RERE: variants seen among roughly 807,000 people sequenced by gnomAD.
RERE encodes arginine-glutamic acid dipeptide repeats, also known as arginine-glutamic acid dipeptide repeats protein.
RERE carries 40 observed loss-of-function variants against 146.1 expected under a neutral mutation model. That is an observed-to-expected ratio of 0.27 (90% CI 0.21 to 0.36). RERE has a LOEUF of 0.36. Among genes scored for constraint, RERE ranks in the 10% least tolerant of loss-of-function variants. The probability of loss-of-function intolerance (pLI) is 1.00; values close to 1 mark genes in which losing one functional copy is unlikely to be tolerated. For synonymous variants in RERE, 1,003 were observed against 866.0 expected (o/e 1.16, Z -2.78); for missense variants, 1,933 against 2,138.7 (o/e 0.90, Z 1.90).
In RERE at chr1:8,445,468, C is replaced by A. The variant is rs75474488; in HGVS notation, c.1203+20457G>T. Among the ~76,000 whole-genome samples, 1,337 of 152,256 alleles carry A rather than the reference C, an allele frequency of 8.8e-3. 18 individuals carry two copies. The highest frequency in any genetic ancestry group is 0.031 in the African/African-American group (1,275 of 41,540). On this transcript the variant is annotated intron_variant, in intron 11 of 22. Transcript: ENST00000400908. Reference sequence around the variant, plus strand: ...CACTTCAGCCTGGACTCTCACATACCCACACCACACCCAAGCATCTGGACT... The same window carrying A: ...CACTTCAGCCTGGACTCTCACATACACACACCACACCCAAGCATCTGGACT...
In RERE at chr1:8,365,860, C is replaced by T. The variant is rs140945349; in HGVS notation, c.1399G>A (p.Ala467Thr). The T allele has an allele frequency of 1.4e-4, 229 of 1,614,006 alleles. No homozygotes were observed. Among genetic ancestry groups the T allele is most frequent in the Non-Finnish European group, 1.8e-4 (213 of 1,180,032 alleles). ...GAGGGTGTGTTGACGGGTGTGGACG[C>T]GGTGCGAGTCTTAATCCTCCTGAAC... Reference protein sequence around the residue: ...AVFRRIKTRTASTPVNTPSRP... With the variant: ...AVFRRIKTRTTSTPVNTPSRP... Residue 467 changes from alanine to threonine, a missense_variant, in exon 13 of 23, where the codon GCG becomes ACG. Ala to Thr is a moderately conservative substitution (Grantham distance 58). Transcript: ENST00000400908.
chr1:8,612,217 A>C (rs1367477697), intron 4 of RERE, among the ~76,000 whole-genome samples: 2 of 152,216 alleles, frequency 1.3e-5, no homozygotes, highest in Non-Finnish European at 2.9e-5. Context: ...AGAAATGTTA[A>C]TGATATTGTC....
intron 2 of RERE, among the ~76,000 whole-genome samples, chr1:8,626,399 C>A (rs1306228065): frequency 6.6e-6 from 1 of 152,178 alleles, no homozygotes; most frequent in African/African-American, 2.4e-5. Context: ...GACATTAACA[C>A]CATCATAGCC....
At chr1:8,679,774 A>G (rs977881104) in intron 1 of RERE, among the ~76,000 whole-genome samples, 2 of 152,202 alleles carry the variant, frequency 1.3e-5, no homozygotes, top group Non-Finnish European at 2.9e-5. Flanking sequence ...TTTTCTACAA[A>G]ACTAGAGCTT....
chr1:8,654,799 A>T (rs1457944864), intron 2 of RERE, among the ~76,000 whole-genome samples: 1 of 151,862 alleles, frequency 6.6e-6, no homozygotes, highest in African/African-American at 2.4e-5. Context: ...AGGCCCAGCT[A>T]ATTTGTAAAA....
chr1:8,565,303 T>C (rs1266109463), intron 4 of RERE, among the ~76,000 whole-genome samples: 2 of 152,222 alleles, frequency 1.3e-5, no homozygotes, highest in African/African-American at 4.8e-5. Context: ...TTGTACTCCA[T>C]ACATATATAC....
intron 3 of RERE, among the ~76,000 whole-genome samples, chr1:8,622,483 GT>G (rs149744126): frequency 0.089 from 6,698 of 75,402 alleles, 352 homozygotes; most frequent in Non-Finnish European, 0.11. Flanking sequence ...TGCTGTATCT[GT>G]TTAAAAAAAA....
chr1:8,462,635 T>C (rs1010329813), intron 11 of RERE, among the ~76,000 whole-genome samples: 4 of 152,246 alleles, frequency 2.6e-5, no homozygotes, highest in Non-Finnish European at 5.9e-5. Context: ...ACAGAGCAGC[T>C]GCTTCAAAGT....
At chr1:8,640,839 G>A (rs1187350888) in intron 2 of RERE, among the ~76,000 whole-genome samples, 1 of 152,102 alleles carries the variant, frequency 6.6e-6, no homozygotes, top group East Asian at 1.9e-4. Context: ...ATAAAACTCA[G>A]ACTAATACTA....
intron 11 of RERE, among the ~76,000 whole-genome samples, chr1:8,456,618 A>C (rs766795201): frequency 5.3e-5 from 8 of 152,202 alleles, no homozygotes; most frequent in Non-Finnish European, 1.2e-4. Context: ...ATGTAATTTA[A>C]CTGTGAGGTA....
intron 7 of RERE, among the ~76,000 whole-genome samples, chr1:8,524,229 T>C (rs72639650): frequency 5.3e-5 from 8 of 152,280 alleles, no homozygotes; most frequent in Non-Finnish European, 1.2e-4. Context: ...AAGAAAGCCC[T>C]CACATGGGTA....
At chr1:8,649,004 GT>G (rs1440435332) in intron 2 of RERE, among the ~76,000 whole-genome samples, 3 of 151,332 alleles carry the variant, frequency 2.0e-5, no homozygotes, top group Non-Finnish European at 4.4e-5. Flanking sequence ...TATGAAGTTA[GT>G]TTTTTAACCA....
chr1:8,746,174 G>A (rs530211921), intron 1 of RERE, among the ~76,000 whole-genome samples: 2 of 152,312 alleles, frequency 1.3e-5, no homozygotes, highest in South Asian at 4.1e-4. Flanking sequence ...TGCCTTCAGG[G>A]TATTGCCAAA....
At position 8,465,429 on chromosome 1, in the gene RERE, A is replaced by G. The variant is rs111870445; in HGVS notation, c.1203+496T>C. 1,283 of 300,252 alleles carry G rather than the reference A, an allele frequency of 4.3e-3. 16 individuals carry two copies. Among genetic ancestry groups the G allele is most frequent in the African/African-American group, 0.026 (1,186 of 45,894 alleles). The allele number at this position is 300,252 out of a possible 1,614,324, so 18.6% of individuals were successfully genotyped here. ...AAGCCAAGCATGGTAGAGCATGCCT[A>G]CAGTCCCAGCTACTTAAGAAGCTGG... On this transcript the variant is annotated intron_variant, in intron 11 of 22. Transcript: ENST00000400908.
intron 1 of RERE, among the ~76,000 whole-genome samples, chr1:8,758,406 T>A (rs1253907282): frequency 4.3e-5 from 6 of 138,210 alleles, no homozygotes; most frequent in East Asian, 2.0e-4. Context: ...TTTTTTTTTT[T>A]AAAGAAACGG....
At chr1:8,495,021 A>G (rs754989666) in intron 10 of RERE, 42 bp downstream of exon 10, 2 of 1,393,506 alleles carry the variant, frequency 1.4e-6, no homozygotes, top group East Asian at 4.6e-5. Flanking sequence ...TTCAGGGGAA[A>G]AAGAAGTGTC....
At chr1:8,684,404 A>AT (rs1391024501) in intron 1 of RERE, among the ~76,000 whole-genome samples, 8 of 152,314 alleles carry the variant, frequency 5.3e-5, no homozygotes, top group Admixed American at 5.2e-4. Flanking sequence ...ATTAAAAAAA[A>AT]TCCTGGGCAT....
At chr1:8,438,990 G>A (rs1644208501) in intron 11 of RERE, among the ~76,000 whole-genome samples, 1 of 152,082 alleles carries the variant, frequency 6.6e-6, no homozygotes, top group African/African-American at 2.4e-5. Flanking sequence ...GTCCATTTCT[G>A]AGGCTTGGGT....
At chr1:8,466,798 G>A (rs1047172212) in intron 10 of RERE, among the ~76,000 whole-genome samples, 5 of 152,230 alleles carry the variant, frequency 3.3e-5, no homozygotes, top group Admixed American at 2.6e-4. Flanking sequence ...CTCACCCTGC[G>A]TCTTTTCAAC....
Sources: gnomAD v4.1 joint callset for allele counts (sites outside exome capture counted in the v4.1 genomes callset) on GRCh38, gnomAD v4.1.1 for gene constraint, MANE v1.5 for transcripts, NCBI Gene and HGNC (gene_info 2026-07-23, HGNC 2026-07-21) for gene names.